THADA: variants seen among roughly 807,000 people sequenced by gnomAD.
The protein encoded by THADA is tRNA (32-2'-O)-methyltransferase regulator THADA.
Under a neutral mutation model 219.8 loss-of-function variants are expected in THADA, and 213 were observed. The ratio of observed to expected loss-of-function variants is 0.97; its 90% confidence interval spans 0.87 to 1.09. THADA has a LOEUF of 1.09. THADA is among the 50% of genes least tolerant of loss of function. The pLI is 0.00. For synonymous variants in THADA, 1,018 were observed against 828.9 expected (o/e 1.23, Z -3.92); for missense variants, 2,956 against 2,311.3 (o/e 1.28, Z -5.72).
intron 19 of THADA, among the ~76,000 whole-genome samples, chr2:43,550,108 G>A (rs1439047215): frequency 6.6e-6 from 1 of 152,172 alleles, no homozygotes; most frequent in Non-Finnish European, 1.5e-5. Context: ...TGAGTGACGA[G>A]TGCCTATAAC....
rs565416241 is a variant in THADA at position 43,539,718 on chromosome 2, A to G, written c.3264+1441T>C. Among the ~76,000 whole-genome samples the G allele has an allele frequency of 5.9e-5, 9 of 152,380 alleles. No homozygotes were observed. The South Asian group carries it at 1.9e-3, about 32-fold the overall frequency. On this transcript the variant is annotated intron_variant, in intron 21 of 37. Transcript: ENST00000405975. ...ACAACGGAAACTAATGTTTTACAGA[A>G]AAACAGTCAGGATCTTATTTTTTAT...
chr2:43,380,182 A>T lies in THADA; in HGVS notation c.4227+17789T>A, dbSNP rs576799703. On this transcript the variant is annotated intron_variant, in intron 29 of 37. Transcript: ENST00000405975. ...AGTTTAATGTACGCAAATGTTTAAA[A>T]AATCAACCAGGAGATCAGGACAAAA... is the stretch of plus-strand genomic sequence containing the variant. Among the ~76,000 whole-genome samples, 52 of 152,362 alleles carry T rather than the reference A, an allele frequency of 3.4e-4. No homozygotes were observed. In the Middle Eastern group the frequency reaches 0.014, roughly 40 times the overall value.
intron 25 of THADA, among the ~76,000 whole-genome samples, chr2:43,489,812 T>G (rs1056687693): frequency 6.6e-6 from 1 of 150,864 alleles, no homozygotes; most frequent in Non-Finnish European, 1.5e-5. Context: ...AACTTTGTTC[T>G]TTTTCAAGAT....
At chr2:43,539,280 G>C (rs527904657) in intron 21 of THADA, among the ~76,000 whole-genome samples, 4 of 152,138 alleles carry the variant, frequency 2.6e-5, no homozygotes, top group Middle Eastern at 3.2e-3. Context: ...CTCTTGGAAG[G>C]GTGTACCTCA....
In THADA at chr2:43,275,095, C is replaced by G. The variant is rs1230758295; in HGVS notation, c.5296+4670G>C. On this transcript the variant is annotated intron_variant, in intron 36 of 37. Coordinates refer to ENST00000405975, the MANE Select transcript of THADA (RefSeq NM_022065.5). ...CTGCATTACTGCGAAAATTCCACCTCCGAGGTTCAAGCAATTCTCCTGCCT... is the reference window on the plus strand; with the variant it reads ...CTGCATTACTGCGAAAATTCCACCTGCGAGGTTCAAGCAATTCTCCTGCCT... Among the ~76,000 whole-genome samples, 3 of 150,780 alleles carry G rather than the reference C, an allele frequency of 2.0e-5. No homozygotes were observed. In the Admixed American group the frequency reaches 2.0e-4, roughly 10 times the overall value.
At chr2:43,584,237 G>C (rs1382212932) in intron 7 of THADA, among the ~76,000 whole-genome samples, 2 of 151,986 alleles carry the variant, frequency 1.3e-5, no homozygotes, top group East Asian at 1.9e-4. Context: ...CTGAATTTGA[G>C]GTACCTGTAA....
At chr2:43,238,921 C>T (rs1668341717) in intron 36 of THADA, among the ~76,000 whole-genome samples, 3 of 152,020 alleles carry the variant, frequency 2.0e-5, no homozygotes, top group Middle Eastern at 6.8e-3. Context: ...AGGAAGACGT[C>T]AATGTGGGGA....
chr2:43,457,183 C>CACAT (rs1411087664), intron 26 of THADA, among the ~76,000 whole-genome samples: 1 of 120,648 alleles, frequency 8.3e-6, no homozygotes, highest in Admixed American at 7.7e-5. Flanking sequence ...CACACACACA[C>CACAT]ATGCACAGTG....
chr2:43,382,876 A>G (rs1672207911), intron 29 of THADA, among the ~76,000 whole-genome samples: 1 of 152,182 alleles, frequency 6.6e-6, no homozygotes, highest in East Asian at 1.9e-4. Flanking sequence ...ACAAACTACC[A>G]CATTACTATA....
At chr2:43,576,340 C>T (rs1398329572) in intron 10 of THADA, among the ~76,000 whole-genome samples, 1 of 152,120 alleles carries the variant, frequency 6.6e-6, no homozygotes, top group Non-Finnish European at 1.5e-5. Flanking sequence ...GGCAAAAACA[C>T]CACAAAAATA....
At chr2:43,403,812 C>T (rs948388065) in intron 28 of THADA, among the ~76,000 whole-genome samples, 5 of 151,986 alleles carry the variant, frequency 3.3e-5, no homozygotes, top group Non-Finnish European at 7.4e-5. Flanking sequence ...TATGTCTGAC[C>T]CTGACCCCAC....
rs747104937 is a variant in THADA at position 43,574,801 on chromosome 2, G to T, written c.1264C>A (p.His422Asn). Residue 422 changes from histidine (H) to asparagine (N), a missense_variant, in exon 11 of 38, where the codon CAC becomes AAC. Transcript: ENST00000405975. ...KIMFKNLLQM[H>N]RLTVEGADFV... Reference sequence around the variant, plus strand: ...TCTGCACCTTCCACAGTGAGCCGGTGCATTTGGAGAAGGTTTTTGAACATG... The same window carrying T: ...TCTGCACCTTCCACAGTGAGCCGGTTCATTTGGAGAAGGTTTTTGAACATG... 1 of 1,614,020 alleles carries T rather than the reference G, an allele frequency of 6.2e-7. No homozygotes were observed. The highest frequency in any genetic ancestry group is 1.1e-5 in the South Asian group (1 of 91,084).
rs774515921 is a variant in THADA at position 43,570,421 on chromosome 2, T to C, written c.2154A>G (p.Lys718=). The change falls in exon 14 of 38, where the codon AAA becomes AAG. Residue 718 remains lysine, a synonymous_variant. Transcript: ENST00000405975. The part of the protein sequence containing the change: ...SKREPENELT[K]QHPSVSLQQY... ...GCTGTAAAGAAACAGAAGGGTGCTG[T>C]TTGGTTAACTCATTCTCTGGTTCAC... is the stretch of plus-strand genomic sequence containing the variant. 8.7e-6 allele frequency: 14 copies of C among 1,613,528 alleles called. No homozygotes were observed. The highest frequency in any genetic ancestry group is 5.5e-5 in the South Asian group (5 of 90,990).
chr2:43,464,541 C>T lies in THADA; in HGVS notation c.3836+20693G>A, dbSNP rs2220647. Reference sequence around the variant, plus strand: ...GTAAACTAATAAGTTTTGTTAAATGCCTCTTGAATTAAGTTAAGAAGGCTA... The same window carrying T: ...GTAAACTAATAAGTTTTGTTAAATGTCTCTTGAATTAAGTTAAGAAGGCTA... On this transcript the variant is annotated intron_variant, in intron 26 of 37. Coordinates refer to ENST00000405975, the MANE Select transcript of THADA (RefSeq NM_022065.5). Among the ~76,000 whole-genome samples, 1,170 of 152,178 alleles carry T rather than the reference C, an allele frequency of 7.7e-3. 56 individuals carry two copies. The highest frequency in any genetic ancestry group is 0.069 in the Admixed American group (1,048 of 15,280).
intron 23 of THADA, among the ~76,000 whole-genome samples, chr2:43,507,480 C>T (rs1022413420): frequency 2.6e-5 from 4 of 152,124 alleles, no homozygotes; most frequent in African/African-American, 9.7e-5. Context: ...ATGAAACACA[C>T]TGATACAGAA....
chr2:43,541,702 G>A (rs1186553227), intron 20 of THADA, among the ~76,000 whole-genome samples: 2 of 151,886 alleles, frequency 1.3e-5, no homozygotes, highest in African/African-American at 2.4e-5. Flanking sequence ...TAAAGACAGG[G>A]TTTCACCACA....
chr2:43,310,625 T>C (rs983629443), intron 31 of THADA, among the ~76,000 whole-genome samples: 2 of 152,190 alleles, frequency 1.3e-5, no homozygotes, highest in South Asian at 4.1e-4. Flanking sequence ...GAACTAAAAC[T>C]GTAAAACTTC....
At chr2:43,536,607 T>C (rs1694633350) in intron 21 of THADA, among the ~76,000 whole-genome samples, 1 of 152,122 alleles carries the variant, frequency 6.6e-6, no homozygotes, top group South Asian at 2.1e-4. Flanking sequence ...TCACAGGGTA[T>C]AAATTTCCAC....
intron 31 of THADA, among the ~76,000 whole-genome samples, chr2:43,317,449 T>C (rs900380078): frequency 1.3e-5 from 2 of 152,246 alleles, no homozygotes. Flanking sequence ...GGAGCTTATA[T>C]GCTAAAACTA....
Sources: gnomAD v4.1 joint callset for allele counts (sites outside exome capture counted in the v4.1 genomes callset) on GRCh38, gnomAD v4.1.1 for gene constraint, MANE v1.5 for transcripts, NCBI Gene and HGNC (gene_info 2026-07-23, HGNC 2026-07-21) for gene names.